Variants in TENM1 observed in about 807,000 individuals in gnomAD.
The protein encoded by TENM1 is teneurin-1.
In TENM1, 35 loss-of-function variants were observed where a neutral mutation model predicts 174.8. The ratio of observed to expected loss-of-function variants is 0.20; its 90% CI spans 0.15 to 0.27. TENM1 has a LOEUF of 0.27. Among genes scored for constraint, TENM1 ranks in the 10% least tolerant of loss-of-function variants. TENM1 has a pLI of 1.00. For missense variants in TENM1, 1,633 were observed against 2,130.1 expected (o/e 0.77, Z 4.59); for synonymous variants, 781 against 798.7 (o/e 0.98, Z 0.37).
chrX:124,499,923 A>G (rs2047288918), intron 19 of TENM1, among the ~76,000 whole-genome samples: 1 of 111,972 alleles, frequency 8.9e-6, no homozygotes, highest in African/African-American at 3.2e-5. Context: ...ATTTGCTATT[A>G]ACATCTATTT....
intron 1 of TENM1, among the ~76,000 whole-genome samples, chrX:124,913,555 T>C (rs2147648584): frequency 8.9e-6 from 1 of 112,034 alleles, no homozygotes; most frequent in South Asian, 3.7e-4. Context: ...TATATACACA[T>C]GTGCACACAA....
chrX:124,507,935 A>G (rs936133909), intron 18 of TENM1, among the ~76,000 whole-genome samples: 4 of 112,453 alleles, frequency 3.6e-5, no homozygotes, highest in African/African-American at 1.3e-4. Context: ...CTCAGGGAAC[A>G]TCTAAAAATA....
chrX:124,893,193 T>C (rs1241116165), intron 3 of TENM1, among the ~76,000 whole-genome samples: 1 of 112,026 alleles, frequency 8.9e-6, no homozygotes, highest in Non-Finnish European at 1.9e-5. Context: ...AATTATATAC[T>C]CCTTATTGAA....
chrX:125,148,944 A>G, the TENM1 span, among the ~76,000 whole-genome samples: 1 of 111,742 alleles, frequency 8.9e-6, no homozygotes, highest in Non-Finnish European at 1.9e-5. Flanking sequence ...ACCCATCCTC[A>G]ATACTGCTAA....
the TENM1 span, among the ~76,000 whole-genome samples, chrX:125,008,649 C>T: frequency 8.9e-6 from 1 of 112,195 alleles, no homozygotes; most frequent in Non-Finnish European, 1.9e-5. Context: ...CACTCCTCAG[C>T]AAGTGCAAAA....
the TENM1 span, among the ~76,000 whole-genome samples, chrX:124,991,670 A>C: frequency 1.0e-5 from 1 of 96,040 alleles, no homozygotes; most frequent in Non-Finnish European, 2.1e-5. Flanking sequence ...AGGATACTTA[A>C]TTTTTTTACT....
chrX:125,132,931 T>TAA, the TENM1 span, among the ~76,000 whole-genome samples: 3 of 111,930 alleles, frequency 2.7e-5, no homozygotes, highest in African/African-American at 9.7e-5. Context: ...AAAATATACC[T>TAA]AACTGATGAG....
At chrX:124,379,746 T>C (rs771153202) in exon 32 of TENM1, 1 of 112,083 alleles carries the variant, frequency 8.9e-6, no homozygotes, top group Non-Finnish European at 1.9e-5. Flanking sequence ...CCCAGGTTAA[T>C]AAAAGCTATG....
At chrX:124,986,239 C>T in the TENM1 span, among the ~76,000 whole-genome samples, 1 of 111,550 alleles carries the variant, frequency 9.0e-6, no homozygotes, top group Non-Finnish European at 1.9e-5. Context: ...GGTATCACAG[C>T]ATATACACTT....
chrX:124,674,149 T>C (rs1316036364), intron 5 of TENM1, among the ~76,000 whole-genome samples: 1 of 109,063 alleles, frequency 9.2e-6, no homozygotes, highest in East Asian at 2.9e-4. Flanking sequence ...AAGTCATATA[T>C]GCACAGAGGC....
At chrX:125,066,115 T>A in the TENM1 span, among the ~76,000 whole-genome samples, 1 of 111,963 alleles carries the variant, frequency 8.9e-6, no homozygotes, top group Non-Finnish European at 1.9e-5. Flanking sequence ...CAGGAATATA[T>A]GACTTAAAAA....
intron 4 of TENM1, among the ~76,000 whole-genome samples, chrX:124,712,710 G>A (rs1033881234): frequency 2.7e-5 from 3 of 111,425 alleles, no homozygotes; most frequent in Admixed American, 1.9e-4. Flanking sequence ...TTGAACTCCT[G>A]ACCTCAAGTG....
At chrX:124,382,241 TTTTTTC>T (rs2060166184) in intron 31 of TENM1, among the ~76,000 whole-genome samples, 1 of 111,825 alleles carries the variant, frequency 8.9e-6, no homozygotes, top group South Asian at 3.7e-4. Flanking sequence ...TGTTTATGTA[TTTTTTC>T]TTTATCAGAA....
At chrX:124,958,374 T>C (rs1417993292) in intron 1 of TENM1, among the ~76,000 whole-genome samples, 2 of 111,541 alleles carry the variant, frequency 1.8e-5, no homozygotes, top group Non-Finnish European at 3.8e-5. Context: ...CCCTAAAAAG[T>C]GGAAATAAGC....
the TENM1 span, among the ~76,000 whole-genome samples, chrX:125,035,509 C>T: frequency 9.0e-6 from 1 of 111,177 alleles, no homozygotes; most frequent in African/African-American, 3.3e-5. Context: ...AGTGAGTTGG[C>T]CAACTGCCCA....
chrX:125,053,499 T>G, the TENM1 span, among the ~76,000 whole-genome samples: 1 of 112,090 alleles, frequency 8.9e-6, no homozygotes. Flanking sequence ...GATTTTCAAA[T>G]TATGTTCAGG....
the TENM1 span, among the ~76,000 whole-genome samples, chrX:125,175,004 A>G: frequency 8.9e-6 from 1 of 111,872 alleles, no homozygotes; most frequent in Non-Finnish European, 1.9e-5. Flanking sequence ...AGTACTTGGC[A>G]CACAGTAATT....
Position 124,385,670 on chromosome X carries a change from A to G in TENM1, c.6076+7T>C. ...GTTGTACACACCACCACTCTTTCAC[A>G]ACAAACCTGTTTGCCTGTATCTGAT... On this transcript the variant is annotated splice_region_variant and intron_variant, in intron 29 of 31. Coordinates refer to ENST00000422452, the Ensembl canonical transcript of TENM1. 1 of 1,186,783 alleles carries G rather than the reference A, an allele frequency of 8.4e-7. No individual in the cohort carries two copies. The highest frequency in any genetic ancestry group is 1.1e-6 in the Non-Finnish European group (1 of 879,557).
intron 23 of TENM1, among the ~76,000 whole-genome samples, chrX:124,440,125 T>C (rs1344514343): frequency 1.8e-5 from 2 of 112,077 alleles, no homozygotes; most frequent in African/African-American, 6.5e-5. Flanking sequence ...TGGCTCTCCT[T>C]TGCCGTTCCA....
Sources: allele counts gnomAD v4.1 joint callset (sites outside exome capture counted in the v4.1 genomes callset), GRCh38; gene constraint gnomAD v4.1.1; transcripts MANE v1.5; gene names NCBI Gene and HGNC (gene_info 2026-07-23, HGNC 2026-07-21).